The following LHPP variants were observed in gnomAD, a reference collection of about 807,000 sequenced individuals.
The protein encoded by LHPP is phospholysine phosphohistidine inorganic pyrophosphate phosphatase.
Under a neutral mutation model 30.3 loss-of-function variants are expected in LHPP, and 24 were observed. That is an observed-to-expected ratio of 0.79 (90% confidence interval 0.57 to 1.11). LHPP has a LOEUF of 1.11. Ranked by LOEUF, LHPP falls within the 50% of genes most tolerant of loss-of-function variation. The pLI is 0.00. For synonymous variants in LHPP, 150 were observed against 157.1 expected (o/e 0.95, Z 0.34); for missense variants, 356 against 367.2 (o/e 0.97, Z 0.25).
chr10:124,494,120 G>A (rs190605815), intron 3 of LHPP, among the ~76,000 whole-genome samples: 4 of 152,266 alleles, frequency 2.6e-5, no homozygotes, highest in Admixed American at 2.0e-4. Flanking sequence ...TCAGTTGCAC[G>A]TTCAGTTTTT....
rs1012391483 is a variant in LHPP at position 124,478,307 on chromosome 10, C to T, written c.126-5832C>T. ...GTCAGGCCCCAGGGGAGCATGAAAG[C>T]AAAGACTCAGGGTGCTATGAGGGCC... On this transcript the variant is annotated intron_variant, in intron 1 of 6. Coordinates refer to ENST00000368842, the MANE Select transcript of LHPP (RefSeq NM_022126.4). The surrounding 1 kb of genome is among the most constrained non-coding windows in gnomAD (Gnocchi z 4.7). Among the ~76,000 whole-genome samples the T allele has an allele frequency of 1.3e-5, 2 of 152,168 alleles. No individual in the cohort carries two copies. Among genetic ancestry groups the T allele is most frequent in the African/African-American group, 4.8e-5 (2 of 41,444 alleles).
intron 6 of LHPP, among the ~76,000 whole-genome samples, chr10:124,547,726 C>G (rs1427259698): frequency 2.9e-5 from 4 of 136,664 alleles, no homozygotes; most frequent in African/African-American, 1.3e-4. Context: ...CAGGCTGGAC[C>G]CAGCCCTGAC....
chr10:124,562,382 C>A (rs138437950), intron 6 of LHPP, among the ~76,000 whole-genome samples: 18 of 152,150 alleles, frequency 1.2e-4, no homozygotes, highest in African/African-American at 3.1e-4. Context: ...CTGAAAAATA[C>A]AGTAGCCAAA....
At chr10:124,613,142 C>T (rs577847673) in intron 6 of LHPP, 122 bp from the exon 7 acceptor site, 1 of 778,212 alleles carries the variant, frequency 1.3e-6, no homozygotes, top group Non-Finnish European at 2.2e-6. Context: ...GCCAGGCTGC[C>T]TGGCAGGACC....
chr10:124,467,008 C>A (rs1401115213), intron 1 of LHPP, among the ~76,000 whole-genome samples: 2 of 151,648 alleles, frequency 1.3e-5, no homozygotes, highest in African/African-American at 2.4e-5. Context: ...CCTGTAGTCC[C>A]AACTACTTGG....
chr10:124,504,521 G>A (rs536457737), intron 5 of LHPP, among the ~76,000 whole-genome samples: 1 of 150,968 alleles, frequency 6.6e-6, no homozygotes, highest in South Asian at 2.1e-4. Context: ...GATTGCTTGG[G>A]CCCAGGAGGT....
At chr10:124,594,296 C>T (rs1021950648) in intron 6 of LHPP, among the ~76,000 whole-genome samples, 1 of 143,994 alleles carries the variant, frequency 6.9e-6, no homozygotes, top group African/African-American at 2.6e-5. Context: ...TGCCATTGCA[C>T]TCCAGCCTGG....
At chr10:124,504,537 T>C (rs1387893110) in intron 5 of LHPP, among the ~76,000 whole-genome samples, 1 of 124,070 alleles carries the variant, frequency 8.1e-6, no homozygotes, top group African/African-American at 3.1e-5. Flanking sequence ...GAGGTTGAGG[T>C]TGCAGCAAGC....
chr10:124,586,025 C>T (rs1479756009), intron 6 of LHPP, among the ~76,000 whole-genome samples: 3 of 152,196 alleles, frequency 2.0e-5, no homozygotes, highest in African/African-American at 7.2e-5. Context: ...CTCAAGTGGT[C>T]TGCCTGCCTT....
rs180719778 is a variant in LHPP, at chr10:124,530,581, C to T, written c.716+13310C>T. ...ATACACTCACGCCCAGACCCCCCCA[C>T]GCCCCAGGCCACACATGTGGGCCTG... On this transcript the variant is annotated intron_variant, in intron 6 of 6. Coordinates refer to ENST00000368842, the MANE Select transcript of LHPP (RefSeq NM_022126.4). Among the ~76,000 whole-genome samples, 859 of 152,156 alleles carry T rather than the reference C, an allele frequency of 5.6e-3. 5 individuals carry two copies. The highest frequency in any genetic ancestry group is 0.019 in the African/African-American group (804 of 41,508).
At chr10:124,463,652 C>T (rs527292862) in intron 1 of LHPP, among the ~76,000 whole-genome samples, 1 of 151,614 alleles carries the variant, frequency 6.6e-6, no homozygotes, top group Admixed American at 6.6e-5. Context: ...CGTGAGCCAC[C>T]GCACCTGGCT....
chr10:124,534,942 A>AAC (rs1954986009), intron 6 of LHPP, among the ~76,000 whole-genome samples: 2 of 152,150 alleles, frequency 1.3e-5, no homozygotes, highest in Non-Finnish European at 2.9e-5. Context: ...TCCATCTGAA[A>AAC]GATTTCGCCA....
At chr10:124,587,201 A>G (rs1239872617) in intron 6 of LHPP, among the ~76,000 whole-genome samples, 1 of 150,900 alleles carries the variant, frequency 6.6e-6, no homozygotes, top group Non-Finnish European at 1.5e-5. Context: ...CCGGCTAATT[A>G]TTTTTGTATT....
intron 6 of LHPP, among the ~76,000 whole-genome samples, chr10:124,559,572 T>A (rs1354060157): frequency 6.6e-6 from 1 of 152,262 alleles, no homozygotes; most frequent in Non-Finnish European, 1.5e-5. Flanking sequence ...GAGGTGAGGC[T>A]GGTGAGGCCC....
chr10:124,468,057 TGGA>T (rs1952612134), intron 1 of LHPP, among the ~76,000 whole-genome samples: 1 of 152,130 alleles, frequency 6.6e-6, no homozygotes, highest in Admixed American at 6.5e-5. Context: ...GACCCCTACT[TGGA>T]ATCCTTCAGG....
intron 6 of LHPP, among the ~76,000 whole-genome samples, chr10:124,588,577 G>C (rs182738178): frequency 1.3e-5 from 2 of 152,162 alleles, no homozygotes; most frequent in Non-Finnish European, 2.9e-5. Flanking sequence ...GCCCGGCCCA[G>C]CTTTTTCATT....
rs1948659523 is a variant in LHPP at position 124,576,322 on chromosome 10, A to C, written c.717-36942A>C. Among the ~76,000 whole-genome samples the C allele has an allele frequency of 6.6e-6, 1 of 152,136 alleles. No individual in the cohort carries two copies. The highest frequency in any genetic ancestry group is 1.5e-5 in the Non-Finnish European group (1 of 68,004). ...GTACTAGTGTGGGGTATGAGGCAGC[A>C]TGTGGGGGCGCTGGGGTGGCAGCAG... On this transcript the variant is annotated intron_variant, in intron 6 of 6. Coordinates refer to ENST00000368842, the MANE Select transcript of LHPP (RefSeq NM_022126.4). The surrounding 1 kb of genome is among the most constrained non-coding windows in gnomAD (Gnocchi z 4.2).
intron 1 of LHPP, 144 bp downstream of exon 1, chr10:124,462,131 C>T (rs2133800161): frequency 1.3e-6 from 1 of 788,366 alleles, no homozygotes; most frequent in South Asian, 6.4e-5. Context: ...CCGGTGCGCG[C>T]ACAGTGCTGA....
chr10:124,529,811 A>ACACG (rs1241079238), intron 6 of LHPP, among the ~76,000 whole-genome samples: 1 of 97,064 alleles, frequency 1.0e-5, no homozygotes, highest in Non-Finnish European at 2.2e-5. Flanking sequence ...ACACACACAC[A>ACACG]CGCACACACA....
Sources: gnomAD v4.1 joint callset for allele counts (sites outside exome capture counted in the v4.1 genomes callset) on GRCh38, gnomAD v4.1.1 for gene constraint, Gnocchi (gnomAD v3.1) non-coding constraint, MANE v1.5 for transcripts, NCBI Gene and HGNC (gene_info 2026-07-23, HGNC 2026-07-21) for gene names.